PIK3C2G: variants seen among roughly 807,000 people sequenced by gnomAD.
PIK3C2G encodes the protein phosphatidylinositol 3-kinase C2 domain-containing subunit gamma.
PIK3C2G carries 168 observed loss-of-function variants against 181.1 expected under a neutral mutation model. The ratio of observed to expected loss-of-function variants is 0.93; its 90% CI spans 0.82 to 1.05. The LOEUF is 1.05. PIK3C2G is among the 50% of genes least tolerant of loss of function. The pLI is 0.00. For synonymous variants in PIK3C2G, 573 were observed against 592.2 expected (o/e 0.97, Z 0.47); for missense variants, 1,869 against 1,732.8 (o/e 1.08, Z -1.40).
chr12:18,678,110 CCA>C, the PIK3C2G span, among the ~76,000 whole-genome samples: 1 of 152,072 alleles, frequency 6.6e-6, no homozygotes, highest in African/African-American at 2.4e-5. Flanking sequence ...GCCCAGCTGT[CCA>C]CAGAGTCTAG....
At chr12:18,603,955 A>C (rs1947871871) in intron 30 of PIK3C2G, among the ~76,000 whole-genome samples, 1 of 152,186 alleles carries the variant, frequency 6.6e-6, no homozygotes, top group African/African-American at 2.4e-5. Flanking sequence ...TGAAACAAAA[A>C]TGCAAGTTAA....
Position 18,329,304 on chromosome 12 carries a change from T to C in PIK3C2G, c.1272+4206T>C, listed in dbSNP as rs142092088. Among the ~76,000 whole-genome samples, 32 of 151,944 alleles carry C rather than the reference T, an allele frequency of 2.1e-4. No homozygotes were observed. In the East Asian group the frequency reaches 5.6e-3, roughly 27 times the overall value. ...ACATGAAGAACACACAATTAAAGAA[T>C]AATAATAGAAAACCCACTCTTATTA... On this transcript the variant is annotated intron_variant, in intron 8 of 32. Transcript: ENST00000538779.
In PIK3C2G at chr12:18,314,071, C is replaced by T. The variant is rs11830182; in HGVS notation, c.1137+7C>T. 0.069 allele frequency: 99,856 copies of T among 1,453,340 alleles called. 6,380 individuals are homozygous for T. The highest frequency in any genetic ancestry group is 0.27 in the African/African-American group (19,548 of 71,276). The allele number at this position is 1,453,340 out of a possible 1,614,324, so 90.0% of individuals were successfully genotyped here. On this transcript the variant is annotated splice_region_variant and intron_variant, in intron 6 of 32. Transcript: ENST00000538779. ...AGGAAAGCTATCTCGAAAGGTAAGA[C>T]TTTCTTAGCATTGGTTTCAATTGGC...
At chr12:18,617,907 G>C (rs1364081550) in intron 31 of PIK3C2G, among the ~76,000 whole-genome samples, 1 of 152,142 alleles carries the variant, frequency 6.6e-6, no homozygotes, top group Non-Finnish European at 1.5e-5. Flanking sequence ...TATGTGCTGA[G>C]AATTAAAATT....
At chr12:18,655,617 C>T in the PIK3C2G span, among the ~76,000 whole-genome samples, 1 of 152,082 alleles carries the variant, frequency 6.6e-6, no homozygotes, top group Non-Finnish European at 1.5e-5. Flanking sequence ...AATACTGCCT[C>T]AGGCAGGTAG....
intron 13 of PIK3C2G, among the ~76,000 whole-genome samples, chr12:18,379,987 C>T (rs971400401): frequency 6.6e-6 from 1 of 152,232 alleles, no homozygotes; most frequent in Non-Finnish European, 1.5e-5. Flanking sequence ...TTCCTCCTGC[C>T]TGTTAATCAC....
intron 1 of PIK3C2G, among the ~76,000 whole-genome samples, chr12:18,252,844 A>G (rs930888224): frequency 2.0e-5 from 3 of 152,166 alleles, no homozygotes; most frequent in Non-Finnish European, 4.4e-5. Context: ...GTCAGAGAGT[A>G]AGTTTCCTGT....
At chr12:18,336,071 A>C (rs972813968) in intron 8 of PIK3C2G, among the ~76,000 whole-genome samples, 3 of 152,162 alleles carry the variant, frequency 2.0e-5, no homozygotes, top group Non-Finnish European at 4.4e-5. Context: ...TTTTTATTCT[A>C]TTAGTTATCT....
chr12:18,291,983 C>A (rs1375042878), intron 4 of PIK3C2G, among the ~76,000 whole-genome samples: 1 of 150,626 alleles, frequency 6.6e-6, no homozygotes, highest in Non-Finnish European at 1.5e-5. Context: ...GCGAGGCAGG[C>A]AGATCACCTG....
intron 12 of PIK3C2G, among the ~76,000 whole-genome samples, chr12:18,363,832 T>C (rs1475898600): frequency 6.6e-6 from 1 of 152,182 alleles, no homozygotes; most frequent in Non-Finnish European, 1.5e-5. Context: ...ACATGGCATG[T>C]GACCTTCAAT....
At chr12:18,720,532 G>C in the PIK3C2G span, among the ~76,000 whole-genome samples, 1 of 151,438 alleles carries the variant, frequency 6.6e-6, no homozygotes, top group East Asian at 2.0e-4. Context: ...CTTGTTATAT[G>C]ATCTTGAGCA....
At chr12:18,565,768 T>C (rs575552735) in intron 28 of PIK3C2G, among the ~76,000 whole-genome samples, 9 of 152,292 alleles carry the variant, frequency 5.9e-5, no homozygotes, top group Admixed American at 3.9e-4. Flanking sequence ...CATATATCTA[T>C]AAAAATATTA....
chr12:18,289,948 C>T (rs1486351685), intron 3 of PIK3C2G, among the ~76,000 whole-genome samples: 1 of 152,100 alleles, frequency 6.6e-6, no homozygotes, highest in Non-Finnish European at 1.5e-5. Context: ...TTGAAAATAT[C>T]TTCATGTTAT....
chr12:18,362,055 A>G (rs1024588396), intron 11 of PIK3C2G, among the ~76,000 whole-genome samples: 3 of 152,058 alleles, frequency 2.0e-5, no homozygotes, highest in Admixed American at 6.6e-5. Context: ...CAAGACAGAA[A>G]CTAGTCCTTC....
chr12:18,686,507 G>A, the PIK3C2G span, among the ~76,000 whole-genome samples: 1 of 151,072 alleles, frequency 6.6e-6, no homozygotes, highest in Non-Finnish European at 1.5e-5. Flanking sequence ...CATATTTTAG[G>A]ACTTGTGTTC....
chr12:18,419,297 T>C (rs911727223), intron 16 of PIK3C2G, among the ~76,000 whole-genome samples: 1 of 152,114 alleles, frequency 6.6e-6, no homozygotes, highest in Non-Finnish European at 1.5e-5. Context: ...TAAGGTAAAA[T>C]AGTCACACAG....
chr12:18,639,740 G>C (rs1044668554), intron 31 of PIK3C2G, among the ~76,000 whole-genome samples: 3 of 152,124 alleles, frequency 2.0e-5, no homozygotes. Flanking sequence ...GAGGAGGAGA[G>C]AGTTTAAGGA....
rs185776684 is a variant in PIK3C2G at position 18,250,086 on chromosome 12, C to T, written c.-79+2004C>T. On this transcript the variant is annotated intron_variant, in intron 1 of 11. Transcript: ENST00000535651. ...TTAGTCAGAAAAATCTGATTTTCTCCTGTCTCAAGCAAACAAAATGTTAAG... is the reference window on the plus strand; with the variant it reads ...TTAGTCAGAAAAATCTGATTTTCTCTTGTCTCAAGCAAACAAAATGTTAAG... 1.7e-4 allele frequency among the ~76,000 whole-genome samples: 26 copies of T among 152,086 alleles called. No homozygotes were observed. In the East Asian group the frequency reaches 4.1e-3, roughly 24 times the overall value.
At chr12:18,453,798 T>G (rs905266679) in intron 18 of PIK3C2G, among the ~76,000 whole-genome samples, 1 of 152,164 alleles carries the variant, frequency 6.6e-6, no homozygotes, top group African/African-American at 2.4e-5. Flanking sequence ...CACAGCTCAA[T>G]TAGCTTTTAA....
Sources: allele counts gnomAD v4.1 joint callset (sites outside exome capture counted in the v4.1 genomes callset), GRCh38; gene constraint gnomAD v4.1.1; transcripts MANE v1.5; gene names NCBI Gene and HGNC (gene_info 2026-07-23, HGNC 2026-07-21).